Variants in COX7A2L observed in about 807,000 individuals in gnomAD.
COX7A2L encodes cytochrome c oxidase subunit 7A2-like, mitochondrial.
A neutral mutation model predicts 14.2 loss-of-function variants in COX7A2L; 18 were observed. That is an observed-to-expected ratio of 1.27 (90% CI 0.88 to 1.88). The LOEUF (loss-of-function observed/expected upper bound fraction) is 1.88. Among genes scored for constraint, COX7A2L ranks in the 40% most tolerant of loss-of-function variants. The probability of loss-of-function intolerance (pLI) is 0.00; values close to 1 mark genes in which losing one functional copy is unlikely to be tolerated. For synonymous variants in COX7A2L, 65 were observed against 57.4 expected (o/e 1.13, Z -0.60); for missense variants, 179 against 138.8 (o/e 1.29, Z -1.46).
chr2:42,341,555 C>T (rs1323992587), intron 2 of COX7A2L, among the ~76,000 whole-genome samples: 7 of 152,180 alleles, frequency 4.6e-5, no homozygotes, highest in Non-Finnish European at 7.4e-5. Flanking sequence ...CCGTGGGCGC[C>T]CACATCCTTC....
In COX7A2L at chr2:42,349,757, G is replaced by T. The variant is rs138793969; in HGVS notation, c.*1462C>A. On this transcript the variant is annotated 3_prime_UTR_variant, in exon 3 of 3. Coordinates refer to ENST00000234301, the MANE Select transcript of COX7A2L (RefSeq NM_004718.4). ...TTATTGAGTCTGACAACTGCATTAT[G>T]GTTATAAAGGAACACATGTCCTTAC... is the stretch of plus-strand genomic sequence containing the variant. 3.9e-5 allele frequency: 6 copies of T among 152,248 alleles called. No individual in the cohort carries two copies. Among genetic ancestry groups the T allele is most frequent in the African/African-American group, 1.2e-4 (5 of 41,530 alleles). 9.4% of individuals were successfully genotyped at this position (152,248 alleles called of 1,614,324 possible). A position where few individuals can be genotyped will look rare whatever the true frequency, so the allele number is the denominator to read the frequency against.
chr2:42,345,885 C>T (rs1271620152), downstream of COX7A2L, among the ~76,000 whole-genome samples: 1 of 152,156 alleles, frequency 6.6e-6, no homozygotes, highest in Non-Finnish European at 1.5e-5. Context: ...GTATTAACAG[C>T]ATCTCATCCA....
chr2:42,360,479 T>C (rs543658073), intron 1 of COX7A2L, among the ~76,000 whole-genome samples: 1 of 152,250 alleles, frequency 6.6e-6, no homozygotes, highest in African/African-American at 2.4e-5. Context: ...CTGCGTGAAA[T>C]GGAATACTTT....
intron 2 of COX7A2L, among the ~76,000 whole-genome samples, chr2:42,340,577 A>C: frequency 6.6e-6 from 1 of 151,600 alleles, no homozygotes; most frequent in African/African-American, 2.4e-5. Context: ...TCTTCCTCTC[A>C]TCCTGGATCC....
rs995813486 is a variant in COX7A2L at position 42,335,740 on chromosome 2, T to C, written c.193-1871A>G. 2.6e-5 allele frequency among the ~76,000 whole-genome samples: 4 copies of C among 152,240 alleles called. No individual in the cohort carries two copies. The East Asian group carries it at 7.7e-4, about 29-fold the overall frequency. On this transcript the variant is annotated intron_variant, in intron 2 of 2. Coordinates refer to the COX7A2L transcript ENST00000468711. The stretch of plus-strand genomic sequence containing the variant: ...TGCCATGCTCGCTTGCTGTAGGTTA[T>C]ATGCACTGTAAAATAACAATGGTTG...
At chr2:42,352,969 T>A in intron 2 of COX7A2L, 1 of 552,922 alleles carries the variant, frequency 1.8e-6, no homozygotes, top group East Asian at 3.0e-5. Context: ...GAGCTATTCA[T>A]GCCATTTCAA....
In COX7A2L at chr2:42,338,118, A is replaced by C. The variant is rs531863854; in HGVS notation, c.193-4249T>G. 6.6e-6 allele frequency among the ~76,000 whole-genome samples: 1 copy of C among 152,130 alleles called. No individual in the cohort carries two copies. Among genetic ancestry groups the C allele is most frequent in the South Asian group, 2.1e-4 (1 of 4,810 alleles). Reference sequence around the variant, plus strand: ...CATCTTCTGGTCCGCCCCTCCGATGACGGTTGGTTGGTCCATAACCCTACT... The same window carrying C: ...CATCTTCTGGTCCGCCCCTCCGATGCCGGTTGGTTGGTCCATAACCCTACT... On this transcript the variant is annotated intron_variant, in intron 2 of 2. Coordinates refer to the COX7A2L transcript ENST00000468711. This position sits in a 1 kb window ranked among gnomAD's most constrained non-coding sequence, Gnocchi z 4.4.
chr2:42,344,125 G>A (rs762042762), intron 2 of COX7A2L, among the ~76,000 whole-genome samples: 4 of 152,086 alleles, frequency 2.6e-5, no homozygotes, highest in South Asian at 2.1e-4. Context: ...AGCTTAATAC[G>A]TAAAATTCTT....
chr2:42,367,866 C>G (rs189638015), intron 1 of COX7A2L, among the ~76,000 whole-genome samples: 4 of 152,234 alleles, frequency 2.6e-5, no homozygotes. Context: ...ATCTCTTCCA[C>G]CCCCAAACTG....
rs1670601161 is a variant in COX7A2L, at chr2:42,350,487, A to G, written c.*732T>C. Reference sequence around the variant, plus strand: ...ATTACTCTGAAAGGTCATTCAAAGAACTTCAAACTTAAAATTTTTCATTCA... The same window carrying G: ...ATTACTCTGAAAGGTCATTCAAAGAGCTTCAAACTTAAAATTTTTCATTCA... On this transcript the variant is annotated 3_prime_UTR_variant, in exon 3 of 3. Coordinates refer to ENST00000234301, the MANE Select transcript of COX7A2L (RefSeq NM_004718.4). The G allele has an allele frequency of 6.6e-6, 1 of 152,240 alleles. No individual in the cohort carries two copies. Among genetic ancestry groups the G allele is most frequent in the Admixed American group, 6.5e-5 (1 of 15,286 alleles). 9.4% of individuals were successfully genotyped at this position (152,240 alleles called of 1,614,324 possible).
At position 42,349,682 on chromosome 2, in the gene COX7A2L, T is replaced by C. The variant is rs2103883968; in HGVS notation, c.*1537A>G. On this transcript the variant is annotated 3_prime_UTR_variant, in exon 3 of 3. Transcript: ENST00000234301. ...CTCATTATTAGAACACCTGGGGAAA[T>C]CTGAAAGTAAACTATGTATTAGATG... 1 of 152,282 alleles carries C rather than the reference T, an allele frequency of 6.6e-6. No homozygotes were observed. Among genetic ancestry groups the C allele is most frequent in the East Asian group, 1.9e-4 (1 of 5,190 alleles). The allele number at this position is 152,282 out of a possible 1,614,324, so 9.4% of individuals were successfully genotyped here. A position where few individuals can be genotyped will look rare whatever the true frequency, so the allele number is the denominator to read the frequency against.
chr2:42,336,290 T>C (rs542709686), intron 2 of COX7A2L, among the ~76,000 whole-genome samples: 36 of 152,296 alleles, frequency 2.4e-4, no homozygotes, highest in African/African-American at 8.4e-4. Context: ...TAGATTTTCC[T>C]GAGGAGCCAT....
chr2:42,343,479 A>G (rs993999548), intron 2 of COX7A2L, among the ~76,000 whole-genome samples: 1 of 152,186 alleles, frequency 6.6e-6, no homozygotes, highest in African/African-American at 2.4e-5. Flanking sequence ...GTCCCTGAGG[A>G]GCCAAAGATA....
chr2:42,361,406 G>A (rs567834401), upstream of COX7A2L: 2 of 467,998 alleles, frequency 4.3e-6, no homozygotes, highest in South Asian at 5.9e-5. Context: ...CTGTGGCGGA[G>A]TCTGTAGGAA....
chr2:42,345,915 G>C (rs967064524), downstream of COX7A2L, among the ~76,000 whole-genome samples: 6 of 152,158 alleles, frequency 3.9e-5, no homozygotes, highest in African/African-American at 1.4e-4. Flanking sequence ...GAGAAGAGAC[G>C]AGCCGGTGAG....
chr2:42,346,607 C>G (rs745761843), downstream of COX7A2L, among the ~76,000 whole-genome samples: 1 of 152,020 alleles, frequency 6.6e-6, no homozygotes, highest in African/African-American at 2.4e-5. Context: ...GCAGCAAGAC[C>G]TCGTCTCTCC....
At chr2:42,340,113 G>T (rs1399300436) in intron 2 of COX7A2L, among the ~76,000 whole-genome samples, 1 of 152,082 alleles carries the variant, frequency 6.6e-6, no homozygotes, top group African/African-American at 2.4e-5. Flanking sequence ...TCCTCACCTA[G>T]AAGACCCATA....
In COX7A2L at chr2:42,339,293, C is replaced by G. The variant is rs1001127181; in HGVS notation, c.193-5424G>C. On this transcript the variant is annotated intron_variant, in intron 2 of 2. Transcript: ENST00000468711. This position sits in a 1 kb window ranked among gnomAD's most constrained non-coding sequence, Gnocchi z 5.4. ...GGCACCACCAGGAGCTGAGGGGTTT[C>G]TCGGGCACAGGATCCCCCCAGCGGC... Among the ~76,000 whole-genome samples the G allele has an allele frequency of 2.6e-5, 4 of 152,234 alleles. No homozygotes were observed. Among genetic ancestry groups the G allele is most frequent in the Non-Finnish European group, 4.4e-5 (3 of 68,038 alleles).
At chr2:42,368,317 A>G (rs531091029) in intron 1 of COX7A2L, among the ~76,000 whole-genome samples, 2 of 152,366 alleles carry the variant, frequency 1.3e-5, no homozygotes, top group South Asian at 4.1e-4. Context: ...TGAGAGCATT[A>G]CAAAAATCTC....
Sources: allele counts gnomAD v4.1 joint callset (sites outside exome capture counted in the v4.1 genomes callset), GRCh38; gene constraint gnomAD v4.1.1; non-coding constraint Gnocchi (gnomAD v3.1); transcripts MANE v1.5; gene names NCBI Gene and HGNC (gene_info 2026-07-23, HGNC 2026-07-21).